Variants in HSD17B2 observed in about 807,000 individuals in gnomAD.
HSD17B2 encodes the protein 17-beta-hydroxysteroid dehydrogenase type 2.
In HSD17B2, 32 loss-of-function variants were observed where a neutral mutation model predicts 26.9. That is an observed-to-expected ratio of 1.19 (90% CI 0.90 to 1.60). The LOEUF is 1.60. Ranked by LOEUF, HSD17B2 falls within the 40% of genes most tolerant of loss-of-function variation. HSD17B2 has a pLI of 0.00. For missense variants in HSD17B2, 613 were observed against 468.6 expected (o/e 1.31, Z -2.85); for synonymous variants, 246 against 186.7 (o/e 1.32, Z -2.59).
intron 1 of HSD17B2, among the ~76,000 whole-genome samples, chr16:82,040,876 G>A (rs1021570597): frequency 6.6e-6 from 1 of 152,226 alleles, no homozygotes; most frequent in East Asian, 1.9e-4. Flanking sequence ...TTTGTAGATA[G>A]ATGCTGGAGA....
chr16:82,094,978 T>G (rs1394357136), intron 4 of HSD17B2: 1 of 152,126 alleles, frequency 6.6e-6, no homozygotes, highest in African/African-American at 2.4e-5. Context: ...ATAACTTCAT[T>G]GTGTGCAGCA....
intron 1 of HSD17B2, among the ~76,000 whole-genome samples, chr16:82,050,708 C>T (rs146568044): frequency 1.8e-3 from 271 of 152,270 alleles, no homozygotes; most frequent in African/African-American, 6.3e-3. Flanking sequence ...TTCTTTTCAC[C>T]GGGAATGCTT....
At chr16:82,039,450 C>T (rs1757992689) in intron 1 of HSD17B2, among the ~76,000 whole-genome samples, 3 of 151,684 alleles carry the variant, frequency 2.0e-5, no homozygotes, top group South Asian at 4.2e-4. Flanking sequence ...CAAAAGAAAA[C>T]GTTGACAAAC....
intron 2 of HSD17B2, among the ~76,000 whole-genome samples, chr16:82,070,353 C>G (rs1914669841): frequency 6.6e-6 from 1 of 152,210 alleles, no homozygotes; most frequent in Non-Finnish European, 1.5e-5. Flanking sequence ...CACTGCATAG[C>G]ACTACGACTT....
intron 1 of HSD17B2, among the ~76,000 whole-genome samples, chr16:82,054,414 G>C (rs1026557331): frequency 6.6e-6 from 1 of 151,774 alleles, no homozygotes; most frequent in African/African-American, 2.4e-5. Flanking sequence ...GTGTGATCTT[G>C]GCTCACTGCA....
intron 3 of HSD17B2, among the ~76,000 whole-genome samples, chr16:82,083,078 G>C (rs921886520): frequency 3.3e-5 from 5 of 152,084 alleles, no homozygotes; most frequent in Admixed American, 6.5e-5. Flanking sequence ...CTTTCTACTA[G>C]CTCCACTGTT....
intron 1 of HSD17B2, among the ~76,000 whole-genome samples, chr16:82,048,688 T>C (rs967634618): frequency 6.6e-6 from 1 of 152,228 alleles, no homozygotes; most frequent in African/African-American, 2.4e-5. Flanking sequence ...GTGGACACTA[T>C]AGACATCGCA....
chr16:82,044,915 C>T (rs569671923), intron 1 of HSD17B2, among the ~76,000 whole-genome samples: 3 of 151,922 alleles, frequency 2.0e-5, no homozygotes, highest in Non-Finnish European at 4.4e-5. Context: ...GTCAGGAGTT[C>T]GAGACCAGCC....
intron 1 of HSD17B2, among the ~76,000 whole-genome samples, chr16:82,045,398 T>A (rs1306755191): frequency 4.6e-5 from 7 of 152,248 alleles, no homozygotes; most frequent in Admixed American, 3.9e-4. Context: ...TCTATGAGGT[T>A]AATTTTTCTC....
chr16:82,048,690 G>A (rs1914010924), intron 1 of HSD17B2, among the ~76,000 whole-genome samples: 1 of 152,220 alleles, frequency 6.6e-6, no homozygotes, highest in Admixed American at 6.5e-5. Flanking sequence ...GGACACTATA[G>A]ACATCGCAGC....
intron 3 of HSD17B2, among the ~76,000 whole-genome samples, chr16:82,088,670 T>C (rs1211480360): frequency 6.6e-6 from 1 of 152,166 alleles, no homozygotes; most frequent in East Asian, 1.9e-4. Context: ...CCTCCCTTAT[T>C]AGTAATAGAA....
At chr16:82,045,071 T>C (rs1913880671) in intron 1 of HSD17B2, among the ~76,000 whole-genome samples, 1 of 128,966 alleles carries the variant, frequency 7.8e-6, no homozygotes, top group Non-Finnish European at 1.5e-5. Context: ...TGCAGTGAGC[T>C]GAGATCACAC....
At chr16:82,040,657 G>A (rs972667438) in intron 1 of HSD17B2, among the ~76,000 whole-genome samples, 3 of 152,170 alleles carry the variant, frequency 2.0e-5, no homozygotes, top group Non-Finnish European at 4.4e-5. Context: ...TTAATACAGA[G>A]CTTGGCAATT....
intron 1 of HSD17B2, among the ~76,000 whole-genome samples, chr16:82,039,922 G>A (rs531371358): frequency 6.6e-6 from 1 of 152,156 alleles, no homozygotes; most frequent in African/African-American, 2.4e-5. Flanking sequence ...GGCAGACACA[G>A]GTCTTGTGTG....
intron 3 of HSD17B2, among the ~76,000 whole-genome samples, chr16:82,080,419 A>G (rs1904347985): frequency 6.6e-6 from 1 of 152,186 alleles, no homozygotes; most frequent in Non-Finnish European, 1.5e-5. Flanking sequence ...AGAAACTGGA[A>G]GATGGTACCT....
At chr16:82,091,103 G>A (rs375182187) in intron 4 of HSD17B2, 64 bp downstream of exon 4, 204 of 1,487,456 alleles carry the variant, frequency 1.4e-4, no homozygotes, top group Non-Finnish European at 1.9e-4. Flanking sequence ...GGTCCTCTTG[G>A]TCTGACAGAG....
chr16:82,087,973 T>G (rs2911417), intron 3 of HSD17B2, among the ~76,000 whole-genome samples: 146,633 of 152,258 alleles, frequency 0.96, 70,730 homozygotes, highest in Middle Eastern at 0.99. Context: ...TAACACTGTT[T>G]CATTGGGGAT....
At chr16:82,069,429 C>T (rs932292717) in intron 2 of HSD17B2, among the ~76,000 whole-genome samples, 21 of 152,134 alleles carry the variant, frequency 1.4e-4, no homozygotes, top group South Asian at 2.1e-4. Context: ...GATGTATACC[C>T]GGTAATGGGA....
chr16:82,035,610 G>C lies in HSD17B2; in HGVS notation c.186G>C (p.Ser62=). The part of the protein sequence containing the change: ...LSPFWGLILF[S]VSCFLMYTYL... ...CTTTTTGGGGCTTGATCCTCTTCTC[G>C]GTGTCATGCTTCCTCATGTATACTT... The change falls in exon 1 of 5, where the codon TCG becomes TCC. Residue 62 remains serine (S), a synonymous_variant. Transcript: ENST00000199936. 2 of 1,613,792 alleles carry C rather than the reference G, an allele frequency of 1.2e-6. No homozygotes were observed. The highest frequency in any genetic ancestry group is 1.7e-6 in the Non-Finnish European group (2 of 1,180,034).
Sources: allele counts gnomAD v4.1 joint callset (sites outside exome capture counted in the v4.1 genomes callset), GRCh38; gene constraint gnomAD v4.1.1; transcripts MANE v1.5; gene names NCBI Gene and HGNC (gene_info 2026-07-23, HGNC 2026-07-21).